GRM5: variants seen among roughly 807,000 people sequenced by gnomAD.
The protein encoded by GRM5 is metabotropic glutamate receptor 5.
Under a neutral mutation model 83.1 loss-of-function variants are expected in GRM5, and 19 were observed. The observed-to-expected ratio is 0.23, with a 90% CI of 0.16 to 0.34. The LOEUF is 0.34. Ranked by LOEUF, GRM5 falls within the 10% of genes least tolerant of loss-of-function variation. GRM5 has a pLI of 1.00. For missense variants in GRM5, 1,160 were observed against 1,588.3 expected, an observed-to-expected ratio of 0.73 and a Z score of 4.58; for synonymous variants, 675 against 633.6, an observed-to-expected ratio of 1.07 and a Z score of -0.98.
At chr11:88,933,034 T>G (rs2135650888) in intron 2 of GRM5, among the ~76,000 whole-genome samples, 1 of 151,940 alleles carries the variant, frequency 6.6e-6, no homozygotes, top group South Asian at 2.1e-4. Context: ...TTAAATCATC[T>G]CAGAGACAAG....
At chr11:88,628,585 G>A (rs1403801681) in intron 4 of GRM5, among the ~76,000 whole-genome samples, 3 of 152,124 alleles carry the variant, frequency 2.0e-5, no homozygotes, top group Non-Finnish European at 2.9e-5. Flanking sequence ...AGGGTCAGTG[G>A]GAATCACTAT....
chr11:88,997,104 C>T (rs1940207040), intron 2 of GRM5, among the ~76,000 whole-genome samples: 2 of 152,046 alleles, frequency 1.3e-5, no homozygotes, highest in South Asian at 4.1e-4. Flanking sequence ...GCAGGTAGAT[C>T]ACCTGAGGTC....
intron 8 of GRM5, among the ~76,000 whole-genome samples, chr11:88,531,810 G>T (rs1240406686): frequency 1.3e-5 from 2 of 151,954 alleles, no homozygotes; most frequent in Non-Finnish European, 2.9e-5. Flanking sequence ...AGATAAAATT[G>T]TCTTAAAAAA....
intron 4 of GRM5, among the ~76,000 whole-genome samples, chr11:88,622,408 C>T (rs531245688): frequency 4.4e-4 from 67 of 152,316 alleles, no homozygotes; most frequent in African/African-American, 1.5e-3. Flanking sequence ...ATACCTAAAA[C>T]GAACATTTTC....
intron 2 of GRM5, among the ~76,000 whole-genome samples, chr11:89,036,655 AGTATTTGT>A (rs1941392597): frequency 2.5e-5 from 1 of 40,352 alleles, no homozygotes; most frequent in Non-Finnish European, 5.0e-5. Flanking sequence ...ACTATTAATC[AGTATTTGT>A]ACTCAAATTT....
chr11:88,522,741 G>A (rs1367850178), intron 9 of GRM5: 1 of 151,928 alleles, frequency 6.6e-6, no homozygotes, highest in Non-Finnish European at 1.5e-5. Flanking sequence ...TGTGGCTGAG[G>A]TGGATGATCT....
intron 4 of GRM5, among the ~76,000 whole-genome samples, chr11:88,646,142 C>T (rs1251437393): frequency 6.6e-6 from 1 of 151,920 alleles, no homozygotes; most frequent in East Asian, 1.9e-4. Context: ...AGAAAAGATA[C>T]AATAAATGAA....
chr11:88,780,153 A>G (rs1291724617), intron 3 of GRM5, among the ~76,000 whole-genome samples: 1 of 152,108 alleles, frequency 6.6e-6, no homozygotes, highest in African/African-American at 2.4e-5. Flanking sequence ...TGGCACTTAC[A>G]ATGATAACAA....
intron 2 of GRM5, among the ~76,000 whole-genome samples, chr11:88,959,539 T>C (rs1205149722): frequency 1.3e-5 from 2 of 152,182 alleles, no homozygotes; most frequent in Non-Finnish European, 2.9e-5. Flanking sequence ...AAAGTAAACA[T>C]AGTTCTACAG....
intron 3 of GRM5, among the ~76,000 whole-genome samples, chr11:88,724,100 G>A (rs796477828): frequency 6.6e-5 from 10 of 152,162 alleles, no homozygotes; most frequent in African/African-American, 1.7e-4. Flanking sequence ...ACATGTGCTC[G>A]TAGCTACCTA....
chr11:88,752,785 A>AACTC (rs1192268351), intron 3 of GRM5, among the ~76,000 whole-genome samples: 1 of 152,190 alleles, frequency 6.6e-6, no homozygotes, highest in East Asian at 1.9e-4. Flanking sequence ...CAGAAGAGAG[A>AACTC]ACTCAGAAAT....
intron 3 of GRM5, among the ~76,000 whole-genome samples, chr11:88,833,519 A>G (rs1372292087): frequency 1.3e-5 from 2 of 151,624 alleles, no homozygotes; most frequent in East Asian, 1.9e-4. Context: ...GGGAAAGACA[A>G]TATTGGTAAA....
chr11:88,808,350 G>A (rs939966077), intron 3 of GRM5, among the ~76,000 whole-genome samples: 1 of 151,908 alleles, frequency 6.6e-6, no homozygotes, highest in Non-Finnish European at 1.5e-5. Context: ...AGCATGCAGG[G>A]TATGTATTTA....
chr11:88,613,888 C>T (rs974131381), intron 4 of GRM5, among the ~76,000 whole-genome samples: 3 of 152,084 alleles, frequency 2.0e-5, no homozygotes, highest in Non-Finnish European at 4.4e-5. Context: ...TGTGGGAATA[C>T]TTCAGGGGAG....
At chr11:88,537,468 C>G (rs1226468390) in intron 8 of GRM5, among the ~76,000 whole-genome samples, 1 of 152,098 alleles carries the variant, frequency 6.6e-6, no homozygotes, top group East Asian at 1.9e-4. Context: ...ATTTTAACAA[C>G]TTCAGAGTGT....
chr11:88,722,482 T>C (rs1941569084), intron 3 of GRM5, among the ~76,000 whole-genome samples: 1 of 152,134 alleles, frequency 6.6e-6, no homozygotes, highest in African/African-American at 2.4e-5. Flanking sequence ...CTTTTGTACA[T>C]TTCAGAAGCC....
intron 4 of GRM5, among the ~76,000 whole-genome samples, chr11:88,606,110 A>G (rs1008797003): frequency 6.6e-6 from 1 of 152,162 alleles, no homozygotes; most frequent in Non-Finnish European, 1.5e-5. Flanking sequence ...GATAAGATAG[A>G]GCATGCTATG....
intron 9 of GRM5, among the ~76,000 whole-genome samples, chr11:88,509,977 A>G (rs1941320514): frequency 6.6e-6 from 1 of 152,168 alleles, no homozygotes; most frequent in South Asian, 2.1e-4. Flanking sequence ...GGGAAGGGGT[A>G]AGAGAGTCAG....
At chr11:88,924,571 G>T (rs1160573549) in intron 2 of GRM5, among the ~76,000 whole-genome samples, 2 of 152,028 alleles carry the variant, frequency 1.3e-5, no homozygotes, top group African/African-American at 4.8e-5. Flanking sequence ...GATACTGCAT[G>T]ATCTCACTTA....
Sources: gnomAD v4.1 joint callset for allele counts (sites outside exome capture counted in the v4.1 genomes callset) on GRCh38, gnomAD v4.1.1 for gene constraint, MANE v1.5 for transcripts, NCBI Gene and HGNC (gene_info 2026-07-23, HGNC 2026-07-21) for gene names.